Variants in CSMD3 observed in about 807,000 individuals in gnomAD.
CSMD3 encodes the protein CUB and sushi domain-containing protein 3.
In CSMD3, 177 loss-of-function variants were observed where a neutral mutation model predicts 435.2. The ratio of observed to expected loss-of-function variants is 0.41; its 90% CI spans 0.36 to 0.46. CSMD3 has a LOEUF of 0.46. Ranked by LOEUF, CSMD3 falls within the 20% of genes least tolerant of loss-of-function variation. The pLI is 0.34. For missense variants in CSMD3, 4,265 were observed against 4,504.6 expected, an observed-to-expected ratio of 0.95 and a Z score of 1.52; for synonymous variants, 1,656 against 1,520.5, an observed-to-expected ratio of 1.09 and a Z score of -2.07.
chr8:112,445,099 T>G (rs749706538), intron 32 of CSMD3, among the ~76,000 whole-genome samples: 1 of 151,874 alleles, frequency 6.6e-6, no homozygotes, highest in Non-Finnish European at 1.5e-5. Context: ...AAAAATTAGC[T>G]GGGTGTGGTG....
chr8:113,136,129 T>C (rs1177343670), intron 4 of CSMD3, among the ~76,000 whole-genome samples: 1 of 151,818 alleles, frequency 6.6e-6, no homozygotes, highest in Non-Finnish European at 1.5e-5. Flanking sequence ...TGAGTTCAGT[T>C]GGAAAACAAG....
intron 13 of CSMD3, among the ~76,000 whole-genome samples, chr8:112,721,944 T>C (rs1228567916): frequency 6.6e-6 from 1 of 152,098 alleles, no homozygotes; most frequent in African/African-American, 2.4e-5. Context: ...TTGCATTGGT[T>C]AGAGTTCATA....
At chr8:112,558,761 GATCAT>G (rs1326336453) in intron 24 of CSMD3, among the ~76,000 whole-genome samples, 5 of 151,734 alleles carry the variant, frequency 3.3e-5, no homozygotes, top group Admixed American at 6.6e-5. Context: ...TAACTATTAA[GATCAT>G]ATCATCAACA....
intron 5 of CSMD3, among the ~76,000 whole-genome samples, chr8:113,095,933 C>A: frequency 6.6e-6 from 1 of 152,020 alleles, no homozygotes; most frequent in Non-Finnish European, 1.5e-5. Flanking sequence ...GTTTTTCCTC[C>A]TATCTCATTT....
chr8:113,287,741 G>A (rs2093657240), intron 2 of CSMD3, among the ~76,000 whole-genome samples: 1 of 151,902 alleles, frequency 6.6e-6, no homozygotes, highest in South Asian at 2.1e-4. Flanking sequence ...TTAGAGGTGA[G>A]GTTTATGCAT....
chr8:112,271,095 G>A (rs1017111057), intron 59 of CSMD3, among the ~76,000 whole-genome samples: 12 of 151,970 alleles, frequency 7.9e-5, no homozygotes, highest in African/African-American at 1.7e-4. Flanking sequence ...CAATGATTAT[G>A]TACAAGATTC....
intron 4 of CSMD3, among the ~76,000 whole-genome samples, chr8:113,135,450 T>C (rs2091394095): frequency 1.3e-5 from 2 of 151,814 alleles, no homozygotes; most frequent in African/African-American, 2.4e-5. Flanking sequence ...TGCTCCTACA[T>C]ATGAGTTGAC....
chr8:112,576,783 G>T (rs1223445815), intron 23 of CSMD3, among the ~76,000 whole-genome samples: 1 of 151,042 alleles, frequency 6.6e-6, no homozygotes, highest in Non-Finnish European at 1.5e-5. Context: ...CCACACCTTG[G>T]CCTCCCAAAG....
intron 32 of CSMD3, among the ~76,000 whole-genome samples, chr8:112,465,974 CAA>C (rs201876803): frequency 1.7e-4 from 19 of 114,090 alleles, no homozygotes; most frequent in Admixed American, 1.7e-4. Flanking sequence ...GACACCATCT[CAA>C]AAAAAAAAAA....
At chr8:113,003,560 T>C (rs1400951664) in intron 6 of CSMD3, among the ~76,000 whole-genome samples, 1 of 152,068 alleles carries the variant, frequency 6.6e-6, no homozygotes, top group Non-Finnish European at 1.5e-5. Context: ...GTACCAATAT[T>C]TTATGGTTTA....
chr8:112,375,087 T>C lies in CSMD3; in HGVS notation c.6136+5265A>G, dbSNP rs1828817615. Among the ~76,000 whole-genome samples, 3 of 152,304 alleles carry C rather than the reference T, an allele frequency of 2.0e-5. No individual in the cohort carries two copies. In the South Asian group the frequency reaches 6.2e-4, roughly 32 times the overall value. ...AATGTATCATTTGTTCTTATGCTCA[T>C]TCATTACCAATAGTAAATTCTTTCT... On this transcript the variant is annotated intron_variant, in intron 38 of 70. Coordinates refer to ENST00000297405, the MANE Select transcript of CSMD3 (RefSeq NM_198123.2).
chr8:113,209,448 G>A (rs543260438), intron 3 of CSMD3, among the ~76,000 whole-genome samples: 1 of 152,218 alleles, frequency 6.6e-6, no homozygotes, highest in South Asian at 2.1e-4. Context: ...AGTGTTGCTA[G>A]TGCCGTGCTA....
rs1225316618 is a variant in CSMD3 at position 112,685,526 on chromosome 8, G to T, written c.2362C>A (p.Leu788Ile). Residue 788 changes from leucine to isoleucine, a missense_variant, in exon 15 of 71, where the codon CTT (leucine) becomes ATT (isoleucine). By Grantham distance (5) the Leu-to-Ile change is conservative. Transcript: ENST00000297405. ...ACCTCAGCCCCAGTAAAGGTTCCAA[G>T]AATTGGGGATTCTGGAGAGTCACCA... ...KDGDSPESPI[L>I]GTFTGAEVPS... The T allele has an allele frequency of 6.2e-7, 1 of 1,613,916 alleles. No individual in the cohort carries two copies. The highest frequency in any genetic ancestry group is 1.1e-5 in the South Asian group (1 of 91,080).
At chr8:112,696,079 G>C (rs1322749954) in intron 13 of CSMD3, among the ~76,000 whole-genome samples, 1 of 151,892 alleles carries the variant, frequency 6.6e-6, no homozygotes, top group East Asian at 1.9e-4. Flanking sequence ...AAATAAAAGA[G>C]GACACAAATG....
intron 1 of CSMD3, among the ~76,000 whole-genome samples, chr8:113,344,437 T>C (rs2094139373): frequency 6.6e-6 from 1 of 152,172 alleles, no homozygotes; most frequent in Admixed American, 6.6e-5. Context: ...AGCAGTTGTA[T>C]GGAGCTTGAA....
At chr8:113,014,715 C>T (rs532823839) in intron 6 of CSMD3, among the ~76,000 whole-genome samples, 17 of 152,150 alleles carry the variant, frequency 1.1e-4, no homozygotes, top group African/African-American at 4.1e-4. Context: ...GTTTCAGAGA[C>T]ATCTGATCTC....
At chr8:113,408,967 C>T (rs796815767) in intron 1 of CSMD3, among the ~76,000 whole-genome samples, 1 of 151,944 alleles carries the variant, frequency 6.6e-6, no homozygotes, top group African/African-American at 2.4e-5. Context: ...TAATGCCCAG[C>T]CTATACAGAA....
intron 2 of CSMD3, among the ~76,000 whole-genome samples, chr8:113,294,714 A>G (rs1190762668): frequency 2.0e-5 from 3 of 152,188 alleles, no homozygotes; most frequent in Admixed American, 6.6e-5. Context: ...GAACTATAGT[A>G]GCCCATATTG....
intron 4 of CSMD3, among the ~76,000 whole-genome samples, chr8:113,162,212 G>GA (rs1254426762): frequency 2.0e-5 from 3 of 151,876 alleles, no homozygotes; most frequent in South Asian, 2.1e-4. Flanking sequence ...AAAGATTAGA[G>GA]AAAAAATGGA....
Sources: gnomAD v4.1 joint callset for allele counts (sites outside exome capture counted in the v4.1 genomes callset) on GRCh38, gnomAD v4.1.1 for gene constraint, MANE v1.5 for transcripts, NCBI Gene and HGNC (gene_info 2026-07-23, HGNC 2026-07-21) for gene names.